The following ZNF804A variants were observed in gnomAD, a reference collection of about 807,000 sequenced individuals.
ZNF804A encodes zinc finger protein 804A.
ZNF804A carries 2 observed loss-of-function variants against 16.5 expected under a neutral mutation model. The observed-to-expected ratio is 0.12, with a 90% CI of 0.05 to 0.38. The LOEUF is 0.38. Among genes scored for constraint, ZNF804A ranks in the 10% least tolerant of loss-of-function variants. The probability of loss-of-function intolerance (pLI) is 0.99; values close to 1 mark genes in which losing one functional copy is unlikely to be tolerated. For missense variants in ZNF804A, 1,473 were observed against 1,390.7 expected, an observed-to-expected ratio of 1.06 and a Z score of -0.94; for synonymous variants, 534 against 489.6, an observed-to-expected ratio of 1.09 and a Z score of -1.20.
chr2:184,774,670 A>T (rs1047435837), intron 1 of ZNF804A, among the ~76,000 whole-genome samples: 2 of 151,754 alleles, frequency 1.3e-5, no homozygotes, highest in African/African-American at 4.8e-5. Context: ...TTTGAAGAAA[A>T]ATTAGTTCTA....
intron 1 of ZNF804A, among the ~76,000 whole-genome samples, chr2:184,657,660 T>A (rs1257619533): frequency 6.6e-6 from 1 of 152,238 alleles, no homozygotes; most frequent in Non-Finnish European, 1.5e-5. Context: ...CTATGAATAA[T>A]CACTGGTCTT....
At chr2:184,691,897 G>T (rs980501608) in intron 1 of ZNF804A, among the ~76,000 whole-genome samples, 1 of 151,974 alleles carries the variant, frequency 6.6e-6, no homozygotes, top group African/African-American at 2.4e-5. Flanking sequence ...AAAACACAGA[G>T]AAATGATCCA....
chr2:184,673,274 A>G (rs1246990365), intron 1 of ZNF804A, among the ~76,000 whole-genome samples: 1 of 152,190 alleles, frequency 6.6e-6, no homozygotes, highest in African/African-American at 2.4e-5. Context: ...AATGTGTTTA[A>G]TAACCCATCA....
chr2:184,783,292 T>A (rs1320418986), intron 1 of ZNF804A, among the ~76,000 whole-genome samples: 2 of 151,412 alleles, frequency 1.3e-5, no homozygotes, highest in Non-Finnish European at 1.5e-5. Context: ...TAAAAATGAA[T>A]GTGGTTAGTG....
chr2:184,850,270 T>C (rs1695582257), intron 1 of ZNF804A, among the ~76,000 whole-genome samples: 1 of 151,906 alleles, frequency 6.6e-6, no homozygotes, highest in South Asian at 2.1e-4. Flanking sequence ...AGGTGATGGA[T>C]ACTCCAATGA....
chr2:184,712,330 T>C (rs1693143348), intron 1 of ZNF804A, among the ~76,000 whole-genome samples: 1 of 151,788 alleles, frequency 6.6e-6, no homozygotes, highest in Admixed American at 6.6e-5. Flanking sequence ...AATTTTTTTA[T>C]TTCATCCTTT....
chr2:184,728,946 A>G (rs1440360985), intron 1 of ZNF804A, among the ~76,000 whole-genome samples: 1 of 152,058 alleles, frequency 6.6e-6, no homozygotes, highest in East Asian at 1.9e-4. Context: ...GCTCATAAAA[A>G]CAAATACTGA....
chr2:184,830,659 A>T (rs1379318073), intron 1 of ZNF804A, among the ~76,000 whole-genome samples: 1 of 152,010 alleles, frequency 6.6e-6, no homozygotes, highest in Non-Finnish European at 1.5e-5. Flanking sequence ...ATGAGTGGGG[A>T]ATTGGATTTA....
At chr2:184,867,061 A>G (rs989998185) in intron 2 of ZNF804A, among the ~76,000 whole-genome samples, 1 of 151,870 alleles carries the variant, frequency 6.6e-6, no homozygotes, top group Non-Finnish European at 1.5e-5. Context: ...GATTTTGTTC[A>G]TTTTAATATT....
chr2:184,726,339 T>C (rs1179895280), intron 1 of ZNF804A, among the ~76,000 whole-genome samples: 4 of 151,634 alleles, frequency 2.6e-5, no homozygotes, highest in East Asian at 1.9e-4. Context: ...GTACACCTCA[T>C]TGTGGTCTTA....
At chr2:184,607,184 C>G (rs965966203) in intron 1 of ZNF804A, among the ~76,000 whole-genome samples, 2 of 152,134 alleles carry the variant, frequency 1.3e-5, no homozygotes, top group African/African-American at 2.4e-5. Flanking sequence ...TGGAGTTATT[C>G]TTATCTGTTC....
intron 1 of ZNF804A, among the ~76,000 whole-genome samples, chr2:184,689,079 AC>A (rs1467773820): frequency 2.0e-5 from 3 of 152,188 alleles, no homozygotes; most frequent in African/African-American, 7.2e-5. Flanking sequence ...TATTCTACAC[AC>A]AAGGAATATG....
chr2:184,760,691 G>A (rs1694026729), intron 1 of ZNF804A, among the ~76,000 whole-genome samples: 1 of 152,120 alleles, frequency 6.6e-6, no homozygotes, highest in Non-Finnish European at 1.5e-5. Flanking sequence ...ATCAAGGGTT[G>A]GCTGTTTTTG....
At chr2:184,836,181 A>T (rs1260904220) in intron 1 of ZNF804A, among the ~76,000 whole-genome samples, 2 of 152,146 alleles carry the variant, frequency 1.3e-5, no homozygotes, top group Non-Finnish European at 2.9e-5. Context: ...TTTTAAAATT[A>T]AGTTATTTAA....
chr2:184,627,525 G>C (rs1211895179), intron 1 of ZNF804A, among the ~76,000 whole-genome samples: 1 of 152,008 alleles, frequency 6.6e-6, no homozygotes, highest in Non-Finnish European at 1.5e-5. Context: ...ATCTTGCCTT[G>C]AAATGAATTG....
At chr2:184,817,310 G>GA (rs1445769738) in intron 1 of ZNF804A, among the ~76,000 whole-genome samples, 2 of 151,764 alleles carry the variant, frequency 1.3e-5, no homozygotes, top group African/African-American at 2.4e-5. Flanking sequence ...CAGCCCTATA[G>GA]AAAAATGGCC....
intron 1 of ZNF804A, among the ~76,000 whole-genome samples, chr2:184,730,670 TTA>T (rs1693499283): frequency 6.6e-6 from 1 of 152,172 alleles, no homozygotes; most frequent in Non-Finnish European, 1.5e-5. Context: ...TGCTATGTAT[TTA>T]TGTTTCCTCC....
Position 184,745,473 on chromosome 2 carries a change from C to T in ZNF804A, c.112-120896C>T, listed in dbSNP as rs182610944. ...ATGTTAGTATTCCTATTTAAATCAA[C>T]GTTTTACTGATGCGGTTTTTCAAGA... On this transcript the variant is annotated intron_variant, in intron 1 of 3. Transcript: ENST00000302277. 3.9e-4 allele frequency among the ~76,000 whole-genome samples: 59 copies of T among 151,646 alleles called. No homozygotes were observed. In the East Asian group the frequency reaches 9.3e-3, roughly 24 times the overall value.
chr2:184,925,997 G>T (rs1302649808), intron 2 of ZNF804A, among the ~76,000 whole-genome samples: 3 of 151,574 alleles, frequency 2.0e-5, no homozygotes, highest in Non-Finnish European at 4.4e-5. Flanking sequence ...GTTTTTGATT[G>T]TTTCATCATT....
Sources: allele counts gnomAD v4.1 joint callset (sites outside exome capture counted in the v4.1 genomes callset), GRCh38; gene constraint gnomAD v4.1.1; transcripts MANE v1.5; gene names NCBI Gene and HGNC (gene_info 2026-07-23, HGNC 2026-07-21).